Variants in LRRIQ1 observed in about 807,000 individuals in gnomAD.
LRRIQ1 encodes the protein leucine-rich repeat- and IQ domain-containing protein 1.
LRRIQ1 carries 210 observed loss-of-function variants against 211.9 expected under a neutral mutation model. The ratio of observed to expected loss-of-function variants is 0.99; its 90% confidence interval spans 0.89 to 1.11. The LOEUF (loss-of-function observed/expected upper bound fraction) is 1.11. Ranked by LOEUF, LRRIQ1 falls within the 50% of genes most tolerant of loss-of-function variation. The pLI is 0.00. For synonymous variants in LRRIQ1, 699 were observed against 650.1 expected, an observed-to-expected ratio of 1.08 and a Z score of -1.14; for missense variants, 2,136 against 1,939.5, an observed-to-expected ratio of 1.10 and a Z score of -1.90.
chr12:85,164,230 G>A (rs764724692), intron 24 of LRRIQ1, among the ~76,000 whole-genome samples: 2 of 152,120 alleles, frequency 1.3e-5, no homozygotes, highest in Middle Eastern at 3.4e-3. Context: ...TTGGAGCTCT[G>A]ACATCATTTA....
chr12:85,170,245 G>GT (rs989540986), intron 24 of LRRIQ1, among the ~76,000 whole-genome samples: 2 of 132,952 alleles, frequency 1.5e-5, no homozygotes, highest in Non-Finnish European at 3.1e-5. Context: ...TCCAAAGTAT[G>GT]TATTTGTATG....
In LRRIQ1 at chr12:85,065,339, A is replaced by G. The variant is rs776654166; in HGVS notation, c.2469A>G (p.Leu823=). ...TLAECTNLQF[L]SLRRCGLTSL... Reference sequence around the variant, plus strand: ...CAGAGTGTACAAATCTTCAGTTTCTATCCCTTCGACGCTGTGGATTAACTT... The same window carrying G: ...CAGAGTGTACAAATCTTCAGTTTCTGTCCCTTCGACGCTGTGGATTAACTT... The change falls in exon 9 of 27, where the codon CTA becomes CTG. Residue 823 remains leucine (L), a synonymous_variant. Coordinates refer to ENST00000393217, the MANE Select transcript of LRRIQ1 (RefSeq NM_001079910.2). 2.5e-6 allele frequency: 4 copies of G among 1,610,998 alleles called. No homozygotes were observed. Among genetic ancestry groups the G allele is most frequent in the East Asian group, 2.2e-5 (1 of 44,786 alleles).
intron 24 of LRRIQ1, among the ~76,000 whole-genome samples, chr12:85,166,551 TTTCTCCTCCTGAC>T (rs1891164165): frequency 1.3e-5 from 2 of 152,338 alleles, no homozygotes; most frequent in Admixed American, 1.3e-4. Context: ...TTATAAGCAT[TTTCTCCTCCTGAC>T]TTCTCCTTTT....
chr12:85,076,652 C>G (rs565219805), intron 11 of LRRIQ1: 59 of 447,258 alleles, frequency 1.3e-4, no homozygotes, highest in Non-Finnish European at 1.7e-4. Context: ...ATTGCTGTGT[C>G]GTGGCTCATA....
chr12:85,266,501 A>T (rs1896423538), downstream of LRRIQ1, among the ~76,000 whole-genome samples: 1 of 152,146 alleles, frequency 6.6e-6, no homozygotes, highest in African/African-American at 2.4e-5. Context: ...GATCATCTAC[A>T]TTACTGGGAA....
rs557899772 is a variant in LRRIQ1, at chr12:85,139,797, A to G, written c.4329+1828A>G. ...CTTAAAAATTCAACATTAATCTATT[A>G]GGTTAGGAAACTGCTTTTTTGGAAC... On this transcript the variant is annotated intron_variant, in intron 19 of 26. Transcript: ENST00000393217. Among the ~76,000 whole-genome samples the G allele has an allele frequency of 7.9e-5, 12 of 151,558 alleles. No homozygotes were observed. In the East Asian group the frequency reaches 2.3e-3, roughly 29 times the overall value.
chr12:85,244,445 T>C (rs563978077), intron 26 of LRRIQ1, among the ~76,000 whole-genome samples: 1 of 151,744 alleles, frequency 6.6e-6, no homozygotes, highest in East Asian at 1.9e-4. Flanking sequence ...TAACATTCAA[T>C]TAAAAATTAA....
chr12:85,241,278 G>A (rs1168368310), intron 26 of LRRIQ1, among the ~76,000 whole-genome samples: 2 of 151,898 alleles, frequency 1.3e-5, no homozygotes, highest in African/African-American at 4.8e-5. Flanking sequence ...TTTACGGCAT[G>A]TACATTATGT....
intron 24 of LRRIQ1, among the ~76,000 whole-genome samples, chr12:85,166,974 T>C (rs1312812924): frequency 6.6e-6 from 1 of 152,206 alleles, no homozygotes; most frequent in Non-Finnish European, 1.5e-5. Context: ...TAATAAATGT[T>C]TTTTGATGAA....
At chr12:85,186,105 A>G (rs1426263549) in intron 24 of LRRIQ1, among the ~76,000 whole-genome samples, 1 of 152,182 alleles carries the variant, frequency 6.6e-6, no homozygotes, top group Non-Finnish European at 1.5e-5. Flanking sequence ...TTACAAATGC[A>G]TACATTTATG....
At chr12:85,057,370 C>T (rs974121965) in intron 8 of LRRIQ1, among the ~76,000 whole-genome samples, 186 bp downstream of exon 8, 1 of 151,962 alleles carries the variant, frequency 6.6e-6, no homozygotes, top group African/African-American at 2.4e-5. Context: ...GAGGCATCTT[C>T]CCTAAGTGAC....
At chr12:85,138,109 A>T (rs1322235871) in intron 19 of LRRIQ1, 140 bp downstream of exon 19, 1 of 555,480 alleles carries the variant, frequency 1.8e-6, no homozygotes, top group Admixed American at 3.7e-5. Flanking sequence ...ACTTTTCCTA[A>T]CATCATCTTC....
chr12:85,062,518 A>T (rs1881948728), intron 8 of LRRIQ1, among the ~76,000 whole-genome samples: 1 of 151,358 alleles, frequency 6.6e-6, no homozygotes, highest in African/African-American at 2.4e-5. Flanking sequence ...TGTTGCTGCG[A>T]AAGGCATGAT....
At chr12:85,119,480 G>T (rs1309167752) in intron 15 of LRRIQ1, among the ~76,000 whole-genome samples, 3 of 152,120 alleles carry the variant, frequency 2.0e-5, no homozygotes, top group Non-Finnish European at 4.4e-5. Flanking sequence ...TCTGTTTACA[G>T]ATTTTTGTGT....
At chr12:85,153,585 C>T in intron 21 of LRRIQ1, 78 bp from the exon 22 acceptor site, 2 of 883,038 alleles carry the variant, frequency 2.3e-6, no homozygotes, top group Non-Finnish European at 3.5e-6. Context: ...TTTGAGACAA[C>T]ATAAACAGTT....
chr12:85,191,655 C>T (rs1447647892), intron 24 of LRRIQ1, among the ~76,000 whole-genome samples: 1 of 151,926 alleles, frequency 6.6e-6, no homozygotes, highest in South Asian at 2.1e-4. Flanking sequence ...TGTGAGTGCA[C>T]ACATTTTCAA....
At chr12:85,262,952 A>C in exon 2 of LRRIQ1, 1 of 987,072 alleles carries the variant, frequency 1.0e-6, no homozygotes, top group East Asian at 1.1e-4. Flanking sequence ...CGCCAATAAT[A>C]ACAAATACAA....
At chr12:85,242,806 A>G (rs1207944357) in intron 26 of LRRIQ1, among the ~76,000 whole-genome samples, 1 of 151,886 alleles carries the variant, frequency 6.6e-6, no homozygotes, top group Admixed American at 6.6e-5. Context: ...ATGTGTTTCC[A>G]GTAATTTTAC....
At chr12:85,184,284 C>T (rs1015335757) in intron 24 of LRRIQ1, among the ~76,000 whole-genome samples, 2 of 151,976 alleles carry the variant, frequency 1.3e-5, no homozygotes, top group African/African-American at 4.8e-5. Flanking sequence ...CCAGATGTCT[C>T]TGAAAGATTA....
Sources: gnomAD v4.1 joint callset for allele counts (sites outside exome capture counted in the v4.1 genomes callset) on GRCh38, gnomAD v4.1.1 for gene constraint, MANE v1.5 for transcripts, NCBI Gene and HGNC (gene_info 2026-07-23, HGNC 2026-07-21) for gene names.